The following SMO variants were observed in gnomAD, a reference collection of about 807,000 sequenced individuals.
SMO encodes smoothened, frizzled class receptor.
A neutral mutation model predicts 81.6 loss-of-function variants in SMO; 40 were observed. The ratio of observed to expected loss-of-function variants is 0.49; its 90% CI spans 0.38 to 0.64. The LOEUF (loss-of-function observed/expected upper bound fraction) is 0.64, where lower values mean the gene tolerates loss of function less well. Ranked by LOEUF, SMO falls within the 30% of genes least tolerant of loss-of-function variation. The probability of loss-of-function intolerance (pLI) is 0.00; values close to 1 mark genes in which losing one functional copy is unlikely to be tolerated. For missense variants in SMO, 916 were observed against 1,061.1 expected (o/e 0.86, Z 1.90); for synonymous variants, 434 against 432.1 (o/e 1.00, Z -0.05).
At position 129,208,689 on chromosome 7, in the gene SMO, C is replaced by T. The variant is rs1793813251; in HGVS notation, c.1265-70C>T. On this transcript the variant is annotated intron_variant, in intron 6 of 11. Coordinates refer to ENST00000249373, the MANE Select transcript of SMO (RefSeq NM_005631.5). The surrounding 1 kb of genome is among the most constrained non-coding windows in gnomAD (Gnocchi z 5.2). ...GACTCCAGAGCCTTAGGACCCTCCT[C>T]CCACTCACCCATCCTTCCCAGCAGG... 1 of 937,724 alleles carries T rather than the reference C, an allele frequency of 1.1e-6. No homozygotes were observed. Among genetic ancestry groups the T allele is most frequent in the East Asian group, 2.5e-5 (1 of 40,312 alleles). The allele number at this position is 937,724 out of a possible 1,614,324, so 58.1% of individuals were successfully genotyped here. A position where few individuals can be genotyped will look rare whatever the true frequency, so the allele number is the denominator to read the frequency against.
Position 129,211,400 on chromosome 7 carries a change from G to A in SMO, c.1802-236G>A. The A allele has an allele frequency of 1.4e-6, 1 of 711,538 alleles. No individual in the cohort carries two copies. The highest frequency in any genetic ancestry group is 2.5e-6 in the Non-Finnish European group (1 of 394,468). 44.1% of individuals were successfully genotyped at this position (711,538 alleles called of 1,614,324 possible). A position where few individuals can be genotyped will look rare whatever the true frequency, so the allele number is the denominator to read the frequency against. ...TTCTCCAGTTGCTCTCCCTGGGCAA[G>A]AGTAAGTCAGGGTTCCAAGAACTGG... On this transcript the variant is annotated intron_variant, in intron 10 of 11. Coordinates refer to ENST00000249373, the MANE Select transcript of SMO (RefSeq NM_005631.5). The surrounding 1 kb of genome is among the most constrained non-coding windows in gnomAD (Gnocchi z 4.6).
In SMO at chr7:129,208,962, T is replaced by C. The variant is rs891737746; in HGVS notation, c.1357+111T>C. The C allele has an allele frequency of 5.3e-6, 4 of 750,826 alleles. No individual in the cohort carries two copies. The highest frequency in any genetic ancestry group is 3.1e-4 in the Middle Eastern group (1 of 3,264). The allele number at this position is 750,826 out of a possible 1,614,324, so 46.5% of individuals were successfully genotyped here. A position where few individuals can be genotyped will look rare whatever the true frequency, so the allele number is the denominator to read the frequency against. On this transcript the variant is annotated intron_variant, in intron 7 of 11. Coordinates refer to ENST00000249373, the MANE Select transcript of SMO (RefSeq NM_005631.5). The surrounding 1 kb of genome is among the most constrained non-coding windows in gnomAD (Gnocchi z 5.2). ...GTAAGTCAGTGGGACAAGTTAGCCA[T>C]AGGGACAAGGACAAGGGGTGTGTGT...
In SMO at chr7:129,212,872, G is replaced by A. The variant is rs932012978; in HGVS notation, c.*421G>A. ...AGGGCTGGCTGCCGTTTTCTGGGCT[G>A]ATGGGTGCCCTTTCCTGGCAGTCTC... On this transcript the variant is annotated 3_prime_UTR_variant, in exon 12 of 12. Transcript: ENST00000249373. This position sits in a 1 kb window ranked among gnomAD's most constrained non-coding sequence, Gnocchi z 5.0. 3.4e-6 allele frequency: 1 copy of A among 290,060 alleles called. No individual in the cohort carries two copies. Among genetic ancestry groups the A allele is most frequent in the Non-Finnish European group, 6.5e-6 (1 of 155,034 alleles). 18.0% of individuals were successfully genotyped at this position (290,060 alleles called of 1,614,324 possible).
intron 6 of SMO, among the ~76,000 whole-genome samples, chr7:129,207,065 G>C (rs1793784978): frequency 6.6e-6 from 1 of 152,142 alleles, no homozygotes; most frequent in East Asian, 1.9e-4. Context: ...GGCTGGTCTT[G>C]AACTCCTGAC....
intron 1 of SMO, among the ~76,000 whole-genome samples, chr7:129,191,755 T>G (rs949055662): frequency 6.6e-6 from 1 of 152,184 alleles, no homozygotes; most frequent in South Asian, 2.1e-4. Flanking sequence ...CTAGGTTGTC[T>G]TCATCGGTAA....
chr7:129,193,785 A>ATATATAT (rs1235503565), intron 1 of SMO, among the ~76,000 whole-genome samples: 3 of 26,354 alleles, frequency 1.1e-4, no homozygotes, highest in African/African-American at 5.1e-4. Context: ...AAAAAAAAAA[A>ATATATAT]ATATATATAT....
intron 1 of SMO, among the ~76,000 whole-genome samples, chr7:129,197,629 G>A (rs530535275): frequency 1.1e-4 from 17 of 152,022 alleles, no homozygotes; most frequent in South Asian, 2.1e-4. Flanking sequence ...GGGTTTCACC[G>A]TGTTAGCCAG....
intron 1 of SMO, among the ~76,000 whole-genome samples, chr7:129,198,780 C>T (rs1375269896): frequency 6.6e-6 from 1 of 152,220 alleles, no homozygotes; most frequent in Non-Finnish European, 1.5e-5. Context: ...GTGCAGTAGG[C>T]TATACCATCC....
Position 129,189,002 on chromosome 7 carries a change from C to T in SMO, c.-150C>T. 1 of 603,844 alleles carries T rather than the reference C, an allele frequency of 1.7e-6. No individual in the cohort carries two copies. Among genetic ancestry groups the T allele is most frequent in the Non-Finnish European group, 2.4e-6 (1 of 423,060 alleles). The allele number at this position is 603,844 out of a possible 1,614,324, so 37.4% of individuals were successfully genotyped here. A position where few individuals can be genotyped will look rare whatever the true frequency, so the allele number is the denominator to read the frequency against. Reference sequence around the variant, plus strand: ...TTGGGCGCCGAGGGGCCGGGGCGCGCGGAGCGTCCGGGGGGGCCCGGGCCC... The same window carrying T: ...TTGGGCGCCGAGGGGCCGGGGCGCGTGGAGCGTCCGGGGGGGCCCGGGCCC... On this transcript the variant is annotated 5_prime_UTR_variant, in exon 1 of 12. Coordinates refer to ENST00000249373, the MANE Select transcript of SMO (RefSeq NM_005631.5). The surrounding 1 kb of genome is among the most constrained non-coding windows in gnomAD (Gnocchi z 4.7).
Position 129,211,808 on chromosome 7 carries a change from G to C in SMO, c.1936+38G>C, listed in dbSNP as rs770868327. On this transcript the variant is annotated intron_variant, in intron 11 of 11. Transcript: ENST00000249373. This position sits in a 1 kb window ranked among gnomAD's most constrained non-coding sequence, Gnocchi z 4.6. ...AAGCTTCTGGAGGAAGGTGGGGGGA[G>C]CACAGAGGCTGGGGGCTTCTGGGAC... 6.2e-7 allele frequency: 1 copy of C among 1,612,884 alleles called. No homozygotes were observed. The highest frequency in any genetic ancestry group is 2.2e-5 in the East Asian group (1 of 44,874).
In SMO at chr7:129,189,178, G is replaced by C. The variant is rs533196684; in HGVS notation, c.27G>C (p.Gly9=). Residue 9 remains glycine, a synonymous_variant, in exon 1 of 12, where the codon GGG becomes GGC. Coordinates refer to ENST00000249373, the MANE Select transcript of SMO (RefSeq NM_005631.5). This position sits in a 1 kb window ranked among gnomAD's most constrained non-coding sequence, Gnocchi z 4.7. ...TGGCCGCTGCCCGCCCAGCGCGGGG[G>C]CCGGAGCTCCCGCTCCTGGGGCTGC... MAAARPAR[G]PELPLLGLLL... The C allele has an allele frequency of 8.5e-7, 1 of 1,174,330 alleles. No individual in the cohort carries two copies. The highest frequency in any genetic ancestry group is 3.3e-5 in the East Asian group (1 of 29,986). 72.7% of individuals were successfully genotyped at this position (1,174,330 alleles called of 1,614,324 possible).
rs2075779 is a variant in SMO at position 129,206,066 on chromosome 7, T to A, written c.921-84T>A. On this transcript the variant is annotated intron_variant, in intron 4 of 11. Coordinates refer to ENST00000249373, the MANE Select transcript of SMO (RefSeq NM_005631.5). This position sits in a 1 kb window ranked among gnomAD's most constrained non-coding sequence, Gnocchi z 4.4. ...CTGGGAACCTCCAGACCTCAGCAGCTGAGGGTCTGGGCACAGGGTGGGGAG... is the reference window on the plus strand; with the variant it reads ...CTGGGAACCTCCAGACCTCAGCAGCAGAGGGTCTGGGCACAGGGTGGGGAG... The A allele has an allele frequency of 8.5e-7, 1 of 1,174,922 alleles. No individual in the cohort carries two copies. Among genetic ancestry groups the A allele is most frequent in the Non-Finnish European group, 1.2e-6 (1 of 819,324 alleles). 72.8% of individuals were successfully genotyped at this position (1,174,922 alleles called of 1,614,324 possible).
At position 129,213,012 on chromosome 7, in the gene SMO, C is replaced by G. The variant is rs3824; in HGVS notation, c.*561C>G. 0.14 allele frequency: 36,549 copies of G among 261,698 alleles called. 2,803 individuals carry two copies. The highest frequency in any genetic ancestry group is 0.25 in the East Asian group (4,649 of 18,700). The allele number at this position is 261,698 out of a possible 1,614,324, so 16.2% of individuals were successfully genotyped here. On this transcript the variant is annotated 3_prime_UTR_variant, in exon 12 of 12. Transcript: ENST00000249373. The stretch of plus-strand genomic sequence containing the variant: ...GGACCTGCTCCCACAGGGGCCATGT[C>G]CTCTCTTAATAGGTGGCACTACCCC...
intron 1 of SMO, among the ~76,000 whole-genome samples, chr7:129,195,917 C>A (rs143799710): frequency 4.0e-4 from 60 of 151,848 alleles, no homozygotes; most frequent in Non-Finnish European, 6.5e-4. Flanking sequence ...CTGGCTAACA[C>A]GGTGAAACCC....
Position 129,194,931 on chromosome 7 carries a change from G to A in SMO, c.331+5449G>A, listed in dbSNP as rs897545064. ...CAGGTAGCTGGGACCATAGGTGCAC[G>A]CCACCAGGCCTGGCTAATTTTTGTA... On this transcript the variant is annotated intron_variant, in intron 1 of 11. Transcript: ENST00000249373. Among the ~76,000 whole-genome samples the A allele has an allele frequency of 1.1e-4, 17 of 152,086 alleles. No individual in the cohort carries two copies. The East Asian group carries it at 1.7e-3, about 16-fold the overall frequency.
At chr7:129,196,347 G>GTGTGTGTGTC (rs1793578857) in intron 1 of SMO, among the ~76,000 whole-genome samples, 1 of 151,280 alleles carries the variant, frequency 6.6e-6, no homozygotes, top group Non-Finnish European at 1.5e-5. Context: ...GTGTGTGTGT[G>GTGTGTGTGTC]TGTGTGTGTT....
Position 129,206,097 on chromosome 7 carries a change from G to C in SMO, c.921-53G>C. On this transcript the variant is annotated intron_variant, in intron 4 of 11. Transcript: ENST00000249373. The surrounding 1 kb of genome is among the most constrained non-coding windows in gnomAD (Gnocchi z 4.4). ...TCTGGGCACAGGGTGGGGAGACCAG[G>C]TAGAGGGAGTACAGAGTGACCGCCT... The C allele has an allele frequency of 7.2e-7, 1 of 1,392,906 alleles. No individual in the cohort carries two copies. Among genetic ancestry groups the C allele is most frequent in the Non-Finnish European group, 1.0e-6 (1 of 1,003,396 alleles). 86.3% of individuals were successfully genotyped at this position (1,392,906 alleles called of 1,614,324 possible).
At chr7:129,200,583 A>G (rs1793654130) in intron 1 of SMO, among the ~76,000 whole-genome samples, 1 of 152,206 alleles carries the variant, frequency 6.6e-6, no homozygotes, top group Non-Finnish European at 1.5e-5. Context: ...AGATGTATTT[A>G]ATAATCTCTC....
rs541338559 is a variant in SMO, at chr7:129,190,447, T to C, written c.331+965T>C. ...TATCAGCCCTCGCTTCTAGCCAGTA[T>C]GATTCTAAAACTGTCCTGGGAAAAA... On this transcript the variant is annotated intron_variant, in intron 1 of 11. Transcript: ENST00000249373. Among the ~76,000 whole-genome samples the C allele has an allele frequency of 2.0e-5, 3 of 152,326 alleles. No homozygotes were observed. In the South Asian group the frequency reaches 6.2e-4, roughly 32 times the overall value.
Sources: gnomAD v4.1 joint callset for allele counts (sites outside exome capture counted in the v4.1 genomes callset) on GRCh38, gnomAD v4.1.1 for gene constraint, Gnocchi (gnomAD v3.1) non-coding constraint, MANE v1.5 for transcripts, NCBI Gene and HGNC (gene_info 2026-07-23, HGNC 2026-07-21) for gene names.